The following IYD variants were observed in gnomAD, a reference collection of about 807,000 sequenced individuals.
IYD encodes the protein iodotyrosine deiodinase.
In IYD, 25 loss-of-function variants were observed where a neutral mutation model predicts 28.4. The observed-to-expected ratio is 0.88, with a 90% CI of 0.64 to 1.23. The LOEUF (loss-of-function observed/expected upper bound fraction) is 1.23. Ranked by LOEUF, IYD falls within the 50% of genes most tolerant of loss-of-function variation. IYD has a pLI of 0.00. For missense variants in IYD, 352 were observed against 357.9 expected (o/e 0.98, Z 0.13); for synonymous variants, 140 against 130.8 (o/e 1.07, Z -0.48).
At chr6:150,380,364 A>G (rs533853671) in intron 1 of IYD, among the ~76,000 whole-genome samples, 48 of 152,230 alleles carry the variant, frequency 3.2e-4, no homozygotes, top group African/African-American at 1.1e-3. Flanking sequence ...AATCATTGCT[A>G]TTGGCATTTC....
intron 3 of IYD, 103 bp from the exon 4 acceptor site, chr6:150,393,996 G>C (rs142423148): frequency 8.6e-7 from 1 of 1,164,572 alleles, no homozygotes; most frequent in Non-Finnish European, 1.2e-6. Context: ...AAATATAAAA[G>C]ATGAGTAAAT....
At chr6:150,372,294 C>A (rs1223034561) in intron 1 of IYD, among the ~76,000 whole-genome samples, 1 of 146,242 alleles carries the variant, frequency 6.8e-6, no homozygotes, top group Non-Finnish European at 1.5e-5. Flanking sequence ...CATTGTGTGA[C>A]CATGCTTATT....
chr6:150,371,973 G>A (rs985477333), intron 1 of IYD, among the ~76,000 whole-genome samples: 1 of 152,166 alleles, frequency 6.6e-6, no homozygotes, highest in Non-Finnish European at 1.5e-5. Context: ...TGATCTACGT[G>A]GGGATATTAC....
intron 1 of IYD, among the ~76,000 whole-genome samples, chr6:150,380,542 C>T (rs1777609326): frequency 6.6e-6 from 1 of 152,084 alleles, no homozygotes; most frequent in South Asian, 2.1e-4. Flanking sequence ...AATAAATAAA[C>T]TAAAAATAAG....
intron 3 of IYD, among the ~76,000 whole-genome samples, chr6:150,393,714 A>G (rs904063430): frequency 6.6e-6 from 1 of 152,240 alleles, no homozygotes; most frequent in Non-Finnish European, 1.5e-5. Context: ...CCTCTCCCAC[A>G]GAAGTTCCCT....
chr6:150,383,791 T>C (rs1418557729), intron 1 of IYD, among the ~76,000 whole-genome samples: 2 of 40,506 alleles, frequency 4.9e-5, no homozygotes, highest in African/African-American at 1.3e-4. Flanking sequence ...AGACCAAGTC[T>C]CTAAAAAAAA....
At position 150,400,899 on chromosome 6, in the gene IYD, T is replaced by C. The variant is rs1778491424; in HGVS notation, c.*2662T>C. The C allele has an allele frequency of 6.6e-6, 1 of 152,174 alleles. No individual in the cohort carries two copies. The highest frequency in any genetic ancestry group is 1.5e-5 in the Non-Finnish European group (1 of 68,038). The allele number at this position is 152,174 out of a possible 1,614,324, so 9.4% of individuals were successfully genotyped here. A position where few individuals can be genotyped will look rare whatever the true frequency, so the allele number is the denominator to read the frequency against. On this transcript the variant is annotated 3_prime_UTR_variant, in exon 5 of 5. Transcript: ENST00000344419. Reference sequence around the variant, plus strand: ...GGATTTTGGTTTAGGAAAAATCTCATAGGTATAAAAGACAACTGGGAATGT... The same window carrying C: ...GGATTTTGGTTTAGGAAAAATCTCACAGGTATAAAAGACAACTGGGAATGT...
intron 1 of IYD, among the ~76,000 whole-genome samples, chr6:150,369,748 G>A (rs1018627776): frequency 6.6e-6 from 1 of 152,192 alleles, no homozygotes; most frequent in African/African-American, 2.4e-5. Context: ...ATTCTAAGGT[G>A]TTTAGAGTAG....
Position 150,380,161 on chromosome 6 carries a change from T to C in IYD, c.179-9191T>C, listed in dbSNP as rs373971238. 2.1e-3 allele frequency among the ~76,000 whole-genome samples: 317 copies of C among 152,358 alleles called. 2 individuals are homozygous for C. The highest frequency in any genetic ancestry group is 6.8e-3 in the Middle Eastern group (2 of 294). The stretch of plus-strand genomic sequence containing the variant: ...TGTATATTTCCATCTTCCAGGAAGA[T>C]TTTGAGAACTTTACCAAATGTAATT... On this transcript the variant is annotated intron_variant, in intron 1 of 4. Coordinates refer to ENST00000344419, the MANE Select transcript of IYD (RefSeq NM_203395.3).
intron 1 of IYD, among the ~76,000 whole-genome samples, chr6:150,382,616 G>A (rs1777690404): frequency 6.6e-6 from 1 of 152,060 alleles, no homozygotes; most frequent in Non-Finnish European, 1.5e-5. Flanking sequence ...TGTATCCTCT[G>A]ATGTCTTTTA....
chr6:150,382,865 G>A (rs1440171705), intron 1 of IYD, among the ~76,000 whole-genome samples: 2 of 151,968 alleles, frequency 1.3e-5, no homozygotes, highest in African/African-American at 4.8e-5. Flanking sequence ...GTATTTCTTT[G>A]GACATAGTAA....
At chr6:150,374,547 G>A (rs632337) in intron 1 of IYD, among the ~76,000 whole-genome samples, 108,628 of 152,036 alleles carry the variant, frequency 0.71, 40,111 homozygotes, top group Middle Eastern at 0.83. Flanking sequence ...AGGCAAAGAG[G>A]GAATGAGAAT....
At chr6:150,383,810 A>AC (rs1554230934) in intron 1 of IYD, among the ~76,000 whole-genome samples, 5 of 29,618 alleles carry the variant, frequency 1.7e-4, no homozygotes, top group African/African-American at 6.1e-4. Flanking sequence ...AAAAAAAAAC[A>AC]AAAACAAAAA....
chr6:150,382,156 GC>G (rs2115032433), intron 1 of IYD, among the ~76,000 whole-genome samples: 1 of 152,216 alleles, frequency 6.6e-6, no homozygotes, highest in South Asian at 2.1e-4. Flanking sequence ...TCCCAGGATG[GC>G]CCACATCTAA....
In IYD at chr6:150,400,023, C is replaced by G. The variant is rs901904891; in HGVS notation, c.*1786C>G. On this transcript the variant is annotated 3_prime_UTR_variant, in exon 5 of 5. Coordinates refer to ENST00000344419, the MANE Select transcript of IYD (RefSeq NM_203395.3). ...GGTTAACATTCATAAATGGTGGGGGCCCTTACTGTGGTAGAAACCATTGTC... is the reference window on the plus strand; with the variant it reads ...GGTTAACATTCATAAATGGTGGGGGGCCTTACTGTGGTAGAAACCATTGTC... The G allele has an allele frequency of 4.6e-5, 7 of 152,152 alleles. No individual in the cohort carries two copies. The highest frequency in any genetic ancestry group is 1.7e-4 in the African/African-American group (7 of 41,428). The allele number at this position is 152,152 out of a possible 1,614,324, so 9.4% of individuals were successfully genotyped here. A position where few individuals can be genotyped will look rare whatever the true frequency, so the allele number is the denominator to read the frequency against.
rs1778531314 is a variant in IYD, at chr6:150,402,220, C to G, written c.*3983C>G. On this transcript the variant is annotated 3_prime_UTR_variant, in exon 5 of 5. Transcript: ENST00000344419. ...ACTTGCATGGGGTAACCCAGTAATA[C>G]TGTGGGATGCAACTTCTAGGGCATG... 1 of 152,198 alleles carries G rather than the reference C, an allele frequency of 6.6e-6. No individual in the cohort carries two copies. Among genetic ancestry groups the G allele is most frequent in the African/African-American group, 2.4e-5 (1 of 41,442 alleles). The allele number at this position is 152,198 out of a possible 1,614,324, so 9.4% of individuals were successfully genotyped here.
rs896315713 is a variant in IYD, at chr6:150,398,381, A to C, written c.*144A>C. The C allele has an allele frequency of 5.6e-6, 4 of 712,976 alleles. No individual in the cohort carries two copies. Among genetic ancestry groups the C allele is most frequent in the Non-Finnish European group, 9.6e-6 (4 of 416,260 alleles). The allele number at this position is 712,976 out of a possible 1,614,324, so 44.2% of individuals were successfully genotyped here. A position where few individuals can be genotyped will look rare whatever the true frequency, so the allele number is the denominator to read the frequency against. The stretch of plus-strand genomic sequence containing the variant: ...TCTTCTCAGGTGGCCACACTATGTC[A>C]AGAAGCCTCTCCACACTCTGTGGCA... On this transcript the variant is annotated 3_prime_UTR_variant, in exon 5 of 5. Coordinates refer to ENST00000344419, the MANE Select transcript of IYD (RefSeq NM_203395.3).
intron 1 of IYD, chr6:150,370,567 C>T: frequency 2.0e-6 from 2 of 985,404 alleles, no homozygotes; most frequent in Non-Finnish European, 2.4e-6. Context: ...AGGGCTGCCT[C>T]TTGCTCTCCT....
At chr6:150,392,569 C>A in intron 3 of IYD, 65 bp downstream of exon 3, 1 of 1,489,078 alleles carries the variant, frequency 6.7e-7, no homozygotes, top group Non-Finnish European at 9.3e-7. Flanking sequence ...ACCACCACCA[C>A]CATGTCCTGG....
Sources: gnomAD v4.1 joint callset for allele counts (sites outside exome capture counted in the v4.1 genomes callset) on GRCh38, gnomAD v4.1.1 for gene constraint, MANE v1.5 for transcripts, NCBI Gene and HGNC (gene_info 2026-07-23, HGNC 2026-07-21) for gene names.